The following ZC3H12B variants were observed in gnomAD, a reference collection of about 807,000 sequenced individuals.
The protein encoded by ZC3H12B is zinc finger CCCH-type containing 12B, also known as probable ribonuclease ZC3H12B.
ZC3H12B carries 7 observed loss-of-function variants against 43.9 expected under a neutral mutation model. That is an observed-to-expected ratio of 0.16 (90% confidence interval 0.09 to 0.30). The LOEUF (loss-of-function observed/expected upper bound fraction) is 0.30, where lower values mean the gene tolerates loss of function less well. ZC3H12B is among the 10% of genes least tolerant of loss of function. The probability of loss-of-function intolerance (pLI) is 1.00; values close to 1 mark genes in which losing one functional copy is unlikely to be tolerated. For synonymous variants in ZC3H12B, 222 were observed against 241.7 expected (o/e 0.92, Z 0.76); for missense variants, 475 against 670.2 (o/e 0.71, Z 3.22).
At chrX:65,115,194 C>A in the ZC3H12B span, among the ~76,000 whole-genome samples, 5 of 107,606 alleles carry the variant, frequency 4.6e-5, no homozygotes, top group East Asian at 1.5e-3. Flanking sequence ...GACTTTTATC[C>A]CTCGCCACCC....
intron 3 of ZC3H12B, among the ~76,000 whole-genome samples, chrX:65,430,096 G>A (rs750348257): frequency 2.7e-5 from 3 of 112,515 alleles, no homozygotes; most frequent in Non-Finnish European, 3.8e-5. Context: ...CTAGGGGTAT[G>A]TACAAACCTC....
the ZC3H12B span, among the ~76,000 whole-genome samples, chrX:65,139,839 G>T: frequency 2.5e-4 from 28 of 111,257 alleles, no homozygotes; most frequent in Admixed American, 9.6e-5. Flanking sequence ...TTTACTTTTT[G>T]TGTAGCTATT....
At chrX:65,257,076 C>G in the ZC3H12B span, among the ~76,000 whole-genome samples, 1 of 111,845 alleles carries the variant, frequency 8.9e-6, no homozygotes, top group Non-Finnish European at 1.9e-5. Context: ...CTAGAAATAC[C>G]ATTTGATCCA....
chrX:65,090,422 T>A, the ZC3H12B span, among the ~76,000 whole-genome samples: 1 of 112,513 alleles, frequency 8.9e-6, no homozygotes, highest in Non-Finnish European at 1.9e-5. Flanking sequence ...GGATTTTTTT[T>A]GTAACTAAGT....
chrX:65,184,061 A>G, the ZC3H12B span, among the ~76,000 whole-genome samples: 1 of 111,203 alleles, frequency 9.0e-6, no homozygotes, highest in African/African-American at 3.3e-5. Context: ...TTGAACTCCT[A>G]TTGATATTAT....
intron 2 of ZC3H12B, among the ~76,000 whole-genome samples, chrX:65,378,437 G>A (rs1312352522): frequency 4.5e-5 from 5 of 110,942 alleles, no homozygotes; most frequent in African/African-American, 1.6e-4. Flanking sequence ...AAGCCTCATG[G>A]TAACCTCAAA....
chrX:65,119,840 G>T, the ZC3H12B span, among the ~76,000 whole-genome samples: 3 of 111,833 alleles, frequency 2.7e-5, no homozygotes, highest in African/African-American at 9.8e-5. Context: ...GTAAGGAAGG[G>T]ATCCAGTTTC....
chrX:65,167,232 A>T, the ZC3H12B span, among the ~76,000 whole-genome samples: 1 of 111,702 alleles, frequency 9.0e-6, no homozygotes, highest in Admixed American at 9.5e-5. Flanking sequence ...AGGTGTAAGG[A>T]AGGGATCCAG....
the ZC3H12B span, among the ~76,000 whole-genome samples, chrX:65,215,928 G>A: frequency 9.0e-6 from 1 of 111,516 alleles, no homozygotes; most frequent in African/African-American, 3.3e-5. Flanking sequence ...GAAGCCTGAT[G>A]AGAGGAAGAG....
chrX:65,181,982 G>C, the ZC3H12B span, among the ~76,000 whole-genome samples: 1 of 111,718 alleles, frequency 9.0e-6, no homozygotes, highest in African/African-American at 3.3e-5. Flanking sequence ...GTGTACAATA[G>C]CAAAGACTTG....
At chrX:65,329,791 A>G in the ZC3H12B span, among the ~76,000 whole-genome samples, 2 of 111,578 alleles carry the variant, frequency 1.8e-5, no homozygotes, top group South Asian at 7.4e-4. Flanking sequence ...TCCCAGCACC[A>G]TTTAGTAATA....
the ZC3H12B span, among the ~76,000 whole-genome samples, chrX:65,163,380 C>T: frequency 9.0e-6 from 1 of 111,608 alleles, no homozygotes; most frequent in African/African-American, 3.3e-5. Flanking sequence ...GAAGTGGAGC[C>T]TACAGAAGCA....
At chrX:65,227,367 G>A in the ZC3H12B span, among the ~76,000 whole-genome samples, 1 of 111,584 alleles carries the variant, frequency 9.0e-6, no homozygotes, top group Non-Finnish European at 1.9e-5. Context: ...AGAATCTCTA[G>A]GACACATTCA....
chrX:65,245,218 C>A, the ZC3H12B span, among the ~76,000 whole-genome samples: 3 of 111,371 alleles, frequency 2.7e-5, no homozygotes, highest in African/African-American at 9.8e-5. Context: ...CTGAACAGAC[C>A]AATAAGAAGT....
chrX:65,444,644 G>GC lies in ZC3H12B; in HGVS notation n.408-44002_408-44001insC, dbSNP rs200761831. Among the ~76,000 whole-genome samples, 341 of 112,097 alleles carry GC rather than the reference G, an allele frequency of 3.0e-3. 3 individuals are homozygous for GC. Among genetic ancestry groups the GC allele is most frequent in the African/African-American group, 0.01 (323 of 30,862 alleles). The stretch of plus-strand genomic sequence containing the variant: ...AATACAGTAAATTGGTACCGGTAGA[G>GC]TGGGGTGTTACTGAAAAGACACCTG... On this transcript the variant is annotated intron_variant and non_coding_transcript_variant, in intron 3 of 5. Coordinates refer to the ZC3H12B transcript ENST00000617377.
chrX:65,071,909 G>T, the ZC3H12B span, among the ~76,000 whole-genome samples: 57 of 111,530 alleles, frequency 5.1e-4, 1 homozygote, highest in Non-Finnish European at 1.0e-3. Flanking sequence ...TGACCTTGGA[G>T]AATCTCATGG....
the ZC3H12B span, among the ~76,000 whole-genome samples, chrX:65,256,384 A>G: frequency 1.8e-5 from 2 of 111,150 alleles, no homozygotes; most frequent in Non-Finnish European, 3.8e-5. Context: ...TAATAAGAAA[A>G]TCAATCAAAG....
intron 2 of ZC3H12B, among the ~76,000 whole-genome samples, chrX:65,374,429 G>T (rs1462329729): frequency 1.9e-5 from 2 of 104,137 alleles, no homozygotes; most frequent in Non-Finnish European, 3.9e-5. Flanking sequence ...CAAAATAAAA[G>T]TTGAAATTTT....
At chrX:65,287,139 A>T in the ZC3H12B span, among the ~76,000 whole-genome samples, 1 of 111,163 alleles carries the variant, frequency 9.0e-6, no homozygotes, top group African/African-American at 3.3e-5. Context: ...TAGACAGAAC[A>T]TCAATAAGAA....
Sources: gnomAD v4.1 joint callset for allele counts (sites outside exome capture counted in the v4.1 genomes callset) on GRCh38, gnomAD v4.1.1 for gene constraint, MANE v1.5 for transcripts, NCBI Gene and HGNC (gene_info 2026-07-23, HGNC 2026-07-21) for gene names.